NR2C2: variants seen among roughly 807,000 people sequenced by gnomAD.
NR2C2 encodes Nuclear hormone receptor TR4.
NR2C2 carries 6 observed loss-of-function variants against 62.9 expected under a neutral mutation model. The observed-to-expected ratio is 0.10, with a 90% CI of 0.05 to 0.19. NR2C2 has a LOEUF of 0.19. Among genes scored for constraint, NR2C2 ranks in the 10% least tolerant of loss-of-function variants. NR2C2 has a pLI of 1.00. For missense variants in NR2C2, 479 were observed against 762.7 expected, an observed-to-expected ratio of 0.63 and a Z score of 4.38; for synonymous variants, 272 against 273.8, an observed-to-expected ratio of 0.99 and a Z score of 0.07.
chr3:14,957,665 G>A (rs2039565423), intron 1 of NR2C2, among the ~76,000 whole-genome samples: 1 of 152,138 alleles, frequency 6.6e-6, no homozygotes. Flanking sequence ...GTGCCCTGTT[G>A]TCATTTGTGT....
At chr3:14,999,055 G>A (rs972076447) in intron 1 of NR2C2, among the ~76,000 whole-genome samples, 6 of 152,060 alleles carry the variant, frequency 3.9e-5, no homozygotes, top group Admixed American at 6.6e-5. Context: ...AGTGGCTCAC[G>A]CCTGTAATCC....
chr3:15,024,186 T>A lies in NR2C2; in HGVS notation c.776T>A (p.Val259Asp). ...QQPLIREDGT[V>D]LLATDSKAET... ...CCTTTGATACGTGAGGATGGTACAG[T>A]TCTCCTGGCCACGGATTCTAAGGTG... Residue 259 changes from valine (V) to aspartate (D), a missense_variant, in exon 7 of 14, where the codon GTT (valine) becomes GAT (aspartate). Coordinates refer to ENST00000425241, the MANE Select transcript of NR2C2 (RefSeq NM_001291694.2). The A allele has an allele frequency of 1.9e-6, 3 of 1,610,596 alleles. No individual in the cohort carries two copies. Among genetic ancestry groups the A allele is most frequent in the Non-Finnish European group, 2.5e-6 (3 of 1,178,562 alleles).
intron 1 of NR2C2, among the ~76,000 whole-genome samples, chr3:14,956,837 G>T (rs1361078515): frequency 6.6e-6 from 1 of 152,202 alleles, no homozygotes; most frequent in African/African-American, 2.4e-5. Context: ...CACCGCCCCG[G>T]CTGTGTGTGT....
At chr3:14,971,599 C>A (rs1049065415) in intron 1 of NR2C2, among the ~76,000 whole-genome samples, 1 of 151,554 alleles carries the variant, frequency 6.6e-6, no homozygotes, top group African/African-American at 2.4e-5. Context: ...TACATTCTTA[C>A]CAGCAGTGCA....
At chr3:14,952,363 G>T (rs981511745) in intron 1 of NR2C2, among the ~76,000 whole-genome samples, 1 of 152,166 alleles carries the variant, frequency 6.6e-6, no homozygotes. Context: ...CATATCGAGG[G>T]CCCTCCGTTG....
At chr3:14,964,044 T>C (rs2039766270) in intron 1 of NR2C2, among the ~76,000 whole-genome samples, 1 of 152,228 alleles carries the variant, frequency 6.6e-6, no homozygotes, top group Non-Finnish European at 1.5e-5. Flanking sequence ...GGGATTAAAA[T>C]GCTTGTAAAA....
intron 1 of NR2C2, among the ~76,000 whole-genome samples, chr3:15,002,822 C>T (rs1441017670): frequency 6.6e-6 from 1 of 151,014 alleles, no homozygotes; most frequent in Non-Finnish European, 1.5e-5. Flanking sequence ...CCATGCCTGG[C>T]TAATTTTGTA....
chr3:15,003,420 C>T (rs753734896), intron 1 of NR2C2, among the ~76,000 whole-genome samples: 12 of 152,108 alleles, frequency 7.9e-5, no homozygotes, highest in African/African-American at 1.2e-4. Context: ...ATTACCAGGA[C>T]GCTTTTATAA....
intron 1 of NR2C2, among the ~76,000 whole-genome samples, chr3:14,996,276 T>A (rs1381351331): frequency 6.6e-6 from 1 of 152,252 alleles, no homozygotes; most frequent in Non-Finnish European, 1.5e-5. Context: ...CTGTGTTTTT[T>A]AATTTTTGTA....
chr3:14,955,514 C>T (rs935150813), intron 1 of NR2C2, among the ~76,000 whole-genome samples: 2 of 151,706 alleles, frequency 1.3e-5, no homozygotes, highest in African/African-American at 4.8e-5. Context: ...GGGAATGTTG[C>T]GATTTTAGAG....
At chr3:14,981,361 T>C (rs2040362113) in intron 1 of NR2C2, among the ~76,000 whole-genome samples, 1 of 152,046 alleles carries the variant, frequency 6.6e-6, no homozygotes, top group African/African-American at 2.4e-5. Flanking sequence ...CCCAGCACTT[T>C]GGAAGGCCAA....
At position 15,040,621 on chromosome 3, in the gene NR2C2, G is replaced by T. The variant is rs532860166; in HGVS notation, c.1616+1394G>T. On this transcript the variant is annotated intron_variant, in intron 13 of 13. Coordinates refer to ENST00000425241, the MANE Select transcript of NR2C2 (RefSeq NM_001291694.2). ...TCCCAGTCATTTCTCTGGTGTGACT[G>T]GGGGTGTCTTATGGCTGGCTGGTCC... Among the ~76,000 whole-genome samples, 13 of 152,330 alleles carry T rather than the reference G, an allele frequency of 8.5e-5. No homozygotes were observed. The South Asian group carries it at 2.7e-3, about 32-fold the overall frequency.
chr3:14,983,315 G>A (rs2040425815), intron 1 of NR2C2, among the ~76,000 whole-genome samples: 5 of 151,574 alleles, frequency 3.3e-5, no homozygotes, highest in Admixed American at 3.3e-4. Context: ...ATTGTCAGAT[G>A]CTCTTTTTTT....
intron 1 of NR2C2, among the ~76,000 whole-genome samples, chr3:14,955,427 C>T (rs910349524): frequency 2.0e-5 from 3 of 152,018 alleles, no homozygotes; most frequent in Middle Eastern, 3.4e-3. Flanking sequence ...TAATTCTTTC[C>T]TGTCACTTTT....
At chr3:15,016,587 G>A (rs138197142) in intron 4 of NR2C2, among the ~76,000 whole-genome samples, 1 of 152,172 alleles carries the variant, frequency 6.6e-6, no homozygotes, top group African/African-American at 2.4e-5. Context: ...TGTATAATTT[G>A]TATAATCCCC....
chr3:14,950,424 A>G (rs2039318617), intron 1 of NR2C2, among the ~76,000 whole-genome samples: 2 of 152,082 alleles, frequency 1.3e-5, no homozygotes, highest in South Asian at 2.1e-4. Flanking sequence ...AACCTTTCCA[A>G]GGCTTTTCAT....
At chr3:15,010,157 T>A (rs1203011542) in intron 2 of NR2C2, among the ~76,000 whole-genome samples, 1 of 152,198 alleles carries the variant, frequency 6.6e-6, no homozygotes, top group Non-Finnish European at 1.5e-5. Flanking sequence ...AGCTTGGATA[T>A]ATCCTTGCAA....
chr3:15,028,522 A>AT (rs2041884406), intron 7 of NR2C2, 64 bp from the exon 8 acceptor site: 3 of 1,535,832 alleles, frequency 2.0e-6, no homozygotes, highest in Non-Finnish European at 2.7e-6. Context: ...TTATAACTTC[A>AT]TTGGCCTGAG....
chr3:14,954,681 G>C (rs1383831309), intron 1 of NR2C2, among the ~76,000 whole-genome samples: 3 of 152,150 alleles, frequency 2.0e-5, no homozygotes, highest in Non-Finnish European at 4.4e-5. Flanking sequence ...AGTCAGGAGA[G>C]GGAAGAGAAG....
Sources: allele counts gnomAD v4.1 joint callset (sites outside exome capture counted in the v4.1 genomes callset), GRCh38; gene constraint gnomAD v4.1.1; transcripts MANE v1.5; gene names NCBI Gene and HGNC (gene_info 2026-07-23, HGNC 2026-07-21).